MED12L: variants seen among roughly 807,000 people sequenced by gnomAD.
The protein encoded by MED12L is mediator of RNA polymerase II transcription subunit 12-like protein.
In MED12L, 60 loss-of-function variants were observed where a neutral mutation model predicts 281.3. That is an observed-to-expected ratio of 0.21 (90% CI 0.17 to 0.26). The LOEUF is 0.26. MED12L is among the 10% of genes least tolerant of loss of function. The pLI is 1.00. For synonymous variants in MED12L, 974 were observed against 987.2 expected (o/e 0.99, Z 0.25); for missense variants, 2,146 against 2,680.9 (o/e 0.80, Z 4.41).
intron 2 of MED12L, among the ~76,000 whole-genome samples, chr3:151,096,486 T>C (rs1180779624): frequency 1.3e-5 from 2 of 151,292 alleles, no homozygotes; most frequent in Non-Finnish European, 2.9e-5. Context: ...CAGTGGCATC[T>C]TGTCCATTAG....
At chr3:151,116,081 AAAAAAAG>A (rs1267163005) in intron 2 of MED12L, among the ~76,000 whole-genome samples, 1 of 151,790 alleles carries the variant, frequency 6.6e-6, no homozygotes, top group Non-Finnish European at 1.5e-5. Flanking sequence ...AAAAAAAAAA[AAAAAAAG>A]AATAGTATAA....
Position 151,421,406 on chromosome 3 carries a change from T to TTG in MED12L, c.6408+4985_6408+4986insGT, listed in dbSNP as rs1553819636. On this transcript the variant is annotated intron_variant, in intron 43 of 44. Transcript: ENST00000687756. The stretch of plus-strand genomic sequence containing the variant: ...TTCCTGTGCTTTACTGTGTTTTTTT[T>TTG]TTTTGTTTTGTTTCTTTGTGTTTGG... Among the ~76,000 whole-genome samples the TTG allele has an allele frequency of 7.9e-5, 12 of 151,932 alleles. No individual in the cohort carries two copies. In the East Asian group the frequency reaches 1.4e-3, roughly 17 times the overall value.
chr3:151,182,203 A>G (rs1722782440), intron 11 of MED12L, among the ~76,000 whole-genome samples: 1 of 152,194 alleles, frequency 6.6e-6, no homozygotes, highest in Non-Finnish European at 1.5e-5. Flanking sequence ...ATGTTATAAC[A>G]GTGCTTCCTT....
chr3:151,162,492 C>T (rs1010393291), intron 8 of MED12L, among the ~76,000 whole-genome samples: 2 of 152,118 alleles, frequency 1.3e-5, no homozygotes, highest in Admixed American at 1.3e-4. Flanking sequence ...TCTTCAGTCA[C>T]TGCGGCCTGG....
chr3:151,397,553 T>C (rs369655657), intron 39 of MED12L, among the ~76,000 whole-genome samples: 62 of 152,330 alleles, frequency 4.1e-4, no homozygotes, highest in African/African-American at 1.4e-3. Context: ...TATGGTCTTA[T>C]GGCAGAAAAA....
chr3:151,347,574 G>A (rs1410791077), intron 16 of MED12L, among the ~76,000 whole-genome samples: 1 of 152,196 alleles, frequency 6.6e-6, no homozygotes, highest in Non-Finnish European at 1.5e-5. Flanking sequence ...ATTTCAGCAA[G>A]TGAAATCGTG....
chr3:151,424,798 CGTT>C (rs955767034), intron 43 of MED12L, among the ~76,000 whole-genome samples: 16 of 152,264 alleles, frequency 1.1e-4, no homozygotes, highest in African/African-American at 2.2e-4. Context: ...CAACCCTATA[CGTT>C]GTTGTTCCTT....
chr3:151,426,667 A>G (rs767925813), intron 43 of MED12L, among the ~76,000 whole-genome samples: 5 of 152,198 alleles, frequency 3.3e-5, no homozygotes, highest in African/African-American at 4.8e-5. Context: ...TTGTGTATCA[A>G]TATTTACCAT....
chr3:151,287,545 G>A (rs900293567), intron 16 of MED12L, among the ~76,000 whole-genome samples: 2 of 152,178 alleles, frequency 1.3e-5, no homozygotes, highest in Non-Finnish European at 2.9e-5. Flanking sequence ...GGATGGGGTG[G>A]AGACAGAAAG....
At chr3:151,116,532 TA>T in intron 3 of MED12L, 90 bp downstream of exon 3, 1 of 805,968 alleles carries the variant, frequency 1.2e-6, no homozygotes, top group East Asian at 2.7e-5. Context: ...TAGTGTTGTT[TA>T]AGCCACAGTC....
chr3:151,316,752 T>C (rs1306856263), intron 16 of MED12L: 1 of 152,192 alleles, frequency 6.6e-6, no homozygotes, highest in Admixed American at 6.5e-5. Flanking sequence ...ACAAGGTAGG[T>C]ATCTCCCTTA....
At chr3:151,370,395 G>A (rs938178193) in intron 26 of MED12L, among the ~76,000 whole-genome samples, 1 of 152,060 alleles carries the variant, frequency 6.6e-6, no homozygotes, top group African/African-American at 2.4e-5. Flanking sequence ...AACATGTTTT[G>A]GGCTATAATC....
chr3:151,179,952 CT>C (rs1722518629), intron 11 of MED12L, among the ~76,000 whole-genome samples: 1 of 152,162 alleles, frequency 6.6e-6, no homozygotes, highest in South Asian at 2.1e-4. Flanking sequence ...ATTCCCACCA[CT>C]CTAAATATCC....
intron 27 of MED12L, among the ~76,000 whole-genome samples, chr3:151,373,558 T>TA (rs1756438347): frequency 6.9e-6 from 1 of 144,810 alleles, no homozygotes; most frequent in Non-Finnish European, 1.5e-5. Flanking sequence ...TGCAAAATGG[T>TA]GGTTTTTTTT....
intron 11 of MED12L, among the ~76,000 whole-genome samples, chr3:151,168,194 C>G (rs1720962101): frequency 6.6e-6 from 1 of 152,180 alleles, no homozygotes; most frequent in African/African-American, 2.4e-5. Context: ...TCACAGATAT[C>G]TCCGGAGTGG....
At chr3:151,338,338 T>G (rs1751317593) in intron 16 of MED12L, 2 of 1,614,154 alleles carry the variant, frequency 1.2e-6, no homozygotes, top group Non-Finnish European at 1.7e-6. Flanking sequence ...TTCACATTCT[T>G]GTCTCTCGGC....
chr3:151,370,121 C>G (rs905425144), intron 26 of MED12L, among the ~76,000 whole-genome samples: 10 of 151,964 alleles, frequency 6.6e-5, no homozygotes, highest in African/African-American at 2.4e-4. Context: ...TCATAATGTC[C>G]AAGATGTTCT....
At chr3:151,151,057 G>A (rs200906396) in intron 5 of MED12L, among the ~76,000 whole-genome samples, 5 of 4,130 alleles carry the variant, frequency 1.2e-3, no homozygotes, top group Non-Finnish European at 2.6e-3. Context: ...TTTTTTTTGA[G>A]ATAGAGTCTC....
chr3:151,232,001 C>T (rs572835589), intron 16 of MED12L, among the ~76,000 whole-genome samples: 14 of 152,186 alleles, frequency 9.2e-5, no homozygotes, highest in Admixed American at 5.9e-4. Flanking sequence ...TACATGTATA[C>T]ACACACGTGT....
Sources: allele counts gnomAD v4.1 joint callset (sites outside exome capture counted in the v4.1 genomes callset), GRCh38; gene constraint gnomAD v4.1.1; transcripts MANE v1.5; gene names NCBI Gene and HGNC (gene_info 2026-07-23, HGNC 2026-07-21).